PTPRA: variants seen among roughly 807,000 people sequenced by gnomAD.
PTPRA encodes the protein protein tyrosine phosphatase receptor type A.
Under a neutral mutation model 104.8 loss-of-function variants are expected in PTPRA, and 25 were observed. The ratio of observed to expected loss-of-function variants is 0.24; its 90% confidence interval spans 0.17 to 0.33. The LOEUF is 0.33. Ranked by LOEUF, PTPRA falls within the 10% of genes least tolerant of loss-of-function variation. PTPRA has a pLI of 1.00. For missense variants in PTPRA, 765 were observed against 1,015.3 expected (o/e 0.75, Z 3.35); for synonymous variants, 323 against 368.9 (o/e 0.88, Z 1.43).
intron 9 of PTPRA, among the ~76,000 whole-genome samples, chr20:2,992,731 A>G (rs1354649967): frequency 6.6e-6 from 1 of 152,026 alleles, no homozygotes; most frequent in Non-Finnish European, 1.5e-5. Flanking sequence ...GCTCCATACA[A>G]TCTACCAGAG....
intron 3 of PTPRA, among the ~76,000 whole-genome samples, chr20:2,955,164 T>TA (rs985011354): frequency 3.3e-5 from 5 of 152,244 alleles, no homozygotes; most frequent in Non-Finnish European, 7.3e-5. Context: ...TTTTATTTTT[T>TA]ACTTTATGCA....
At chr20:2,875,276 A>G (rs1369648741) in intron 1 of PTPRA, among the ~76,000 whole-genome samples, 1 of 152,122 alleles carries the variant, frequency 6.6e-6, no homozygotes, top group Non-Finnish European at 1.5e-5. Context: ...GCAGGTGGGA[A>G]CTGGTAGGTC....
intron 1 of PTPRA, among the ~76,000 whole-genome samples, chr20:2,879,070 C>T (rs933810814): frequency 6.6e-6 from 1 of 152,166 alleles, no homozygotes; most frequent in Non-Finnish European, 1.5e-5. Flanking sequence ...TGATGTCTGT[C>T]CTCATGACAC....
chr20:2,920,750 G>A, intron 1 of PTPRA, among the ~76,000 whole-genome samples: 1 of 151,760 alleles, frequency 6.6e-6, no homozygotes, highest in East Asian at 1.9e-4. Flanking sequence ...GGGAGAGTAT[G>A]AACTATTGAG....
At chr20:2,914,934 T>G (rs2059846959) in intron 1 of PTPRA, among the ~76,000 whole-genome samples, 1 of 152,190 alleles carries the variant, frequency 6.6e-6, no homozygotes. Flanking sequence ...GTCTACTGCC[T>G]TCTTCTTTGA....
At chr20:2,883,833 A>G (rs571225466) in intron 1 of PTPRA, among the ~76,000 whole-genome samples, 1 of 152,264 alleles carries the variant, frequency 6.6e-6, no homozygotes, top group Admixed American at 6.5e-5. Context: ...AGCTTTTGCC[A>G]CTGTCTAGTT....
At chr20:2,894,608 A>ATTT (rs11479678) in intron 1 of PTPRA, among the ~76,000 whole-genome samples, 4 of 147,974 alleles carry the variant, frequency 2.7e-5, no homozygotes, top group Non-Finnish European at 1.5e-5. Flanking sequence ...GTGCTGGCCA[A>ATTT]TTTTTTTTTT....
intron 1 of PTPRA, among the ~76,000 whole-genome samples, chr20:2,901,124 C>G (rs1156674954): frequency 6.6e-6 from 1 of 152,000 alleles, no homozygotes; most frequent in Non-Finnish European, 1.5e-5. Flanking sequence ...GCGCGCGACA[C>G]CACACCTCGC....
intron 2 of PTPRA, among the ~76,000 whole-genome samples, chr20:2,931,793 A>G (rs930567017): frequency 1.3e-5 from 2 of 152,012 alleles, no homozygotes; most frequent in Non-Finnish European, 2.9e-5. Flanking sequence ...GTGCCATGGC[A>G]TAATCATAGC....
At chr20:2,928,276 T>C (rs1372807962) in intron 2 of PTPRA, among the ~76,000 whole-genome samples, 5 of 151,896 alleles carry the variant, frequency 3.3e-5, no homozygotes, top group South Asian at 2.1e-4. Flanking sequence ...GCTGGGACTA[T>C]AGGCGCCTGT....
At chr20:3,012,212 C>T (rs2064206098) in intron 11 of PTPRA, among the ~76,000 whole-genome samples, 1 of 152,102 alleles carries the variant, frequency 6.6e-6, no homozygotes, top group Non-Finnish European at 1.5e-5. Context: ...GTGTTCAAGG[C>T]AGGGAGTAGT....
At chr20:2,963,578 T>G (rs1439610757) in intron 3 of PTPRA, among the ~76,000 whole-genome samples, 1 of 151,794 alleles carries the variant, frequency 6.6e-6, no homozygotes, top group African/African-American at 2.4e-5. Context: ...CGGGCGACAG[T>G]GCAAGACTCC....
At chr20:2,936,323 G>GTCTTT (rs763911354) in intron 2 of PTPRA, among the ~76,000 whole-genome samples, 2 of 151,938 alleles carry the variant, frequency 1.3e-5, no homozygotes, top group African/African-American at 4.8e-5. Context: ...ATATAGTTGG[G>GTCTTT]TCTTTTCTTT....
At chr20:3,036,246 G>A (rs1314680735) in intron 22 of PTPRA, among the ~76,000 whole-genome samples, 1 of 152,194 alleles carries the variant, frequency 6.6e-6, no homozygotes, top group Non-Finnish European at 1.5e-5. Flanking sequence ...AGGAGTCAAG[G>A]GTGTCTCCCA....
intron 1 of PTPRA, among the ~76,000 whole-genome samples, chr20:2,903,233 A>G (rs894459324): frequency 3.3e-5 from 5 of 152,130 alleles, no homozygotes; most frequent in Non-Finnish European, 7.3e-5. Flanking sequence ...TGAAATCCAA[A>G]CCACGTCTGG....
chr20:2,899,701 A>G (rs2059154310), intron 1 of PTPRA, among the ~76,000 whole-genome samples: 1 of 152,252 alleles, frequency 6.6e-6, no homozygotes, highest in African/African-American at 2.4e-5. Context: ...CTATACATAC[A>G]TATATACATC....
chr20:2,988,243 C>G, intron 8 of PTPRA, 95 bp from the exon 9 acceptor site: 1 of 1,535,204 alleles, frequency 6.5e-7, no homozygotes, highest in Non-Finnish European at 8.8e-7. Context: ...CTAGTTCTTA[C>G]AGGCTTGGTC....
intron 1 of PTPRA, among the ~76,000 whole-genome samples, chr20:2,917,419 C>A (rs2059944122): frequency 6.6e-6 from 1 of 152,006 alleles, no homozygotes; most frequent in Admixed American, 6.6e-5. Flanking sequence ...CCCTTCCTAC[C>A]CTTCTCCTAT....
chr20:2,920,819 G>A (rs893929675), intron 1 of PTPRA, among the ~76,000 whole-genome samples: 2 of 151,986 alleles, frequency 1.3e-5, no homozygotes, highest in Non-Finnish European at 2.9e-5. Context: ...CATTGGGAAT[G>A]TAGTTTGTTC....
Sources: gnomAD v4.1 joint callset for allele counts (sites outside exome capture counted in the v4.1 genomes callset) on GRCh38, gnomAD v4.1.1 for gene constraint, MANE v1.5 for transcripts, NCBI Gene and HGNC (gene_info 2026-07-23, HGNC 2026-07-21) for gene names.